The following NR6A1 variants were observed in gnomAD, a reference collection of about 807,000 sequenced individuals.
The protein encoded by NR6A1 is retinoic acid receptor-related testis-associated receptor.
A neutral mutation model predicts 59.1 loss-of-function variants in NR6A1; 7 were observed. The observed-to-expected ratio is 0.12, with a 90% CI of 0.07 to 0.22. The LOEUF (loss-of-function observed/expected upper bound fraction) is 0.22. Ranked by LOEUF, NR6A1 falls within the 10% of genes least tolerant of loss-of-function variation. The pLI is 1.00. For missense variants in NR6A1, 468 were observed against 611.6 expected (o/e 0.77, Z 2.48); for synonymous variants, 243 against 236.1 (o/e 1.03, Z -0.27).
At chr9:124,616,359 C>T (rs914675086) in intron 2 of NR6A1, among the ~76,000 whole-genome samples, 1 of 147,386 alleles carries the variant, frequency 6.8e-6, no homozygotes, top group Non-Finnish European at 1.5e-5. Context: ...GCCAAGATCG[C>T]GCCAATGCAC....
At chr9:124,546,483 T>C (rs1339796031) in intron 3 of NR6A1, among the ~76,000 whole-genome samples, 2 of 152,248 alleles carry the variant, frequency 1.3e-5, no homozygotes, top group Non-Finnish European at 2.9e-5. Flanking sequence ...TTTATTCTGA[T>C]GTGCAACTCA....
At position 124,734,302 on chromosome 9, in the gene NR6A1, C is replaced by T. The variant is rs187146461; in HGVS notation, c.101-953G>A. Among the ~76,000 whole-genome samples, 18 of 152,346 alleles carry T rather than the reference C, an allele frequency of 1.2e-4. No homozygotes were observed. In the East Asian group the frequency reaches 3.5e-3, roughly 29 times the overall value. The stretch of plus-strand genomic sequence containing the variant: ...CCATGAGGGCGGGGATCCGACCTGC[C>T]TTGTTTTACAGCTTTAACCCCATTA... On this transcript the variant is annotated intron_variant, in intron 1 of 9. Coordinates refer to ENST00000487099, the MANE Select transcript of NR6A1 (RefSeq NM_033334.4).
At chr9:124,610,279 A>G (rs879078152) in intron 2 of NR6A1, among the ~76,000 whole-genome samples, 1 of 152,170 alleles carries the variant, frequency 6.6e-6, no homozygotes, top group African/African-American at 2.4e-5. Flanking sequence ...TATTCCTTCA[A>G]TGCCTAGTTT....
chr9:124,754,614 A>C (rs867124965), intron 1 of NR6A1, among the ~76,000 whole-genome samples: 2 of 152,150 alleles, frequency 1.3e-5, no homozygotes, highest in African/African-American at 2.4e-5. Flanking sequence ...AATGGTGGGG[A>C]GCATTTAAGA....
chr9:124,579,267 C>G (rs533172335), intron 2 of NR6A1, among the ~76,000 whole-genome samples: 1 of 150,752 alleles, frequency 6.6e-6, no homozygotes, highest in South Asian at 2.1e-4. Flanking sequence ...AAATTTAAAA[C>G]TTAGCCAAGT....
chr9:124,750,763 A>G (rs567063329), intron 1 of NR6A1, among the ~76,000 whole-genome samples: 1 of 152,126 alleles, frequency 6.6e-6, no homozygotes, highest in Non-Finnish European at 1.5e-5. Context: ...CCGTCTCAAA[A>G]AAATAAATAA....
Position 124,538,253 on chromosome 9 carries a change from T to G in NR6A1, c.663A>C (p.Pro221=). The part of the protein sequence containing the change: ...REQYMGMSVP[P]HYQYIPHLFS... ...AAAGGTGCGGTATATATTGGTAATGTGGAGGCACAGACATTCCCATGTACT... is the reference window on the plus strand; with the variant it reads ...AAAGGTGCGGTATATATTGGTAATGGGGAGGCACAGACATTCCCATGTACT... The change falls in exon 6 of 10, where the codon CCA becomes CCC. Residue 221 remains proline (P), a synonymous_variant. Coordinates refer to ENST00000487099, the MANE Select transcript of NR6A1 (RefSeq NM_033334.4). 1.2e-6 allele frequency: 2 copies of G among 1,614,182 alleles called. No individual in the cohort carries two copies. Among genetic ancestry groups the G allele is most frequent in the Non-Finnish European group, 1.7e-6 (2 of 1,180,032 alleles).
chr9:124,750,112 G>A (rs1204368261), intron 1 of NR6A1, among the ~76,000 whole-genome samples: 1 of 152,218 alleles, frequency 6.6e-6, no homozygotes, highest in Non-Finnish European at 1.5e-5. Flanking sequence ...CCTGGAAATT[G>A]AGACTGTATA....
intron 2 of NR6A1, among the ~76,000 whole-genome samples, chr9:124,568,123 G>C (rs1588673420): frequency 7.6e-6 from 1 of 132,202 alleles, no homozygotes; most frequent in South Asian, 2.5e-4. Context: ...GCAGTGAGCT[G>C]AGATGGCGCC....
At chr9:124,677,912 G>A (rs946862682) in intron 2 of NR6A1, among the ~76,000 whole-genome samples, 1 of 152,068 alleles carries the variant, frequency 6.6e-6, no homozygotes, top group African/African-American at 2.4e-5. Context: ...AATTTAGAAT[G>A]CATACAAGCT....
chr9:124,560,861 C>A (rs1009072764), intron 2 of NR6A1, among the ~76,000 whole-genome samples: 1 of 151,910 alleles, frequency 6.6e-6, no homozygotes, highest in Non-Finnish European at 1.5e-5. Context: ...GTGCTTGCCC[C>A]AAAGACAATT....
intron 1 of NR6A1, among the ~76,000 whole-genome samples, chr9:124,761,836 C>T (rs1840792515): frequency 6.6e-6 from 1 of 152,192 alleles, no homozygotes; most frequent in South Asian, 2.1e-4. Flanking sequence ...CTTGGTGAGG[C>T]AACTGGTTCT....
chr9:124,579,911 G>A (rs765298977), intron 2 of NR6A1, among the ~76,000 whole-genome samples: 5 of 152,148 alleles, frequency 3.3e-5, no homozygotes, highest in Non-Finnish European at 5.9e-5. Context: ...TTGGGAGGCT[G>A]AGGCAGGAGA....
intron 1 of NR6A1, among the ~76,000 whole-genome samples, chr9:124,743,880 T>C (rs994382320): frequency 2.0e-5 from 3 of 152,168 alleles, no homozygotes; most frequent in Non-Finnish European, 4.4e-5. Context: ...AATTTTTGGT[T>C]CTCTGGAGGA....
intron 2 of NR6A1, among the ~76,000 whole-genome samples, chr9:124,636,946 A>G (rs1408228037): frequency 6.6e-6 from 1 of 152,244 alleles, no homozygotes; most frequent in African/African-American, 2.4e-5. Context: ...ATTACAAAAA[A>G]AACACTAAGA....
chr9:124,550,651 C>T (rs1394711942), intron 3 of NR6A1, among the ~76,000 whole-genome samples: 1 of 151,960 alleles, frequency 6.6e-6, no homozygotes, highest in African/African-American at 2.4e-5. Context: ...AACCACTGTG[C>T]CCAGCCCTAA....
intron 4 of NR6A1, among the ~76,000 whole-genome samples, chr9:124,541,110 C>A (rs1833428913): frequency 6.6e-6 from 1 of 152,114 alleles, no homozygotes; most frequent in African/African-American, 2.4e-5. Flanking sequence ...GTACAGACAA[C>A]AGAACAAAAA....
rs575423181 is a variant in NR6A1 at position 124,653,765 on chromosome 9, A to G, written c.142+79543T>C. On this transcript the variant is annotated intron_variant, in intron 2 of 9. Transcript: ENST00000487099. ...AATAAAATAATGTAGGTCAAATGTTAGCAATTAACCCTACTAGAGTCAGAA... is the reference window on the plus strand; with the variant it reads ...AATAAAATAATGTAGGTCAAATGTTGGCAATTAACCCTACTAGAGTCAGAA... 6.0e-4 allele frequency among the ~76,000 whole-genome samples: 91 copies of G among 152,358 alleles called. 1 individual carries two copies. The South Asian group carries it at 0.018, about 30-fold the overall frequency.
intron 2 of NR6A1, among the ~76,000 whole-genome samples, chr9:124,617,516 T>C (rs1835934375): frequency 6.6e-6 from 1 of 152,200 alleles, no homozygotes; most frequent in African/African-American, 2.4e-5. Flanking sequence ...TCTTTTCTAG[T>C]GTCTGATGAG....
Sources: gnomAD v4.1 joint callset for allele counts (sites outside exome capture counted in the v4.1 genomes callset) on GRCh38, gnomAD v4.1.1 for gene constraint, MANE v1.5 for transcripts, NCBI Gene and HGNC (gene_info 2026-07-23, HGNC 2026-07-21) for gene names.